Variants in ARID4B observed in about 807,000 individuals in gnomAD.
ARID4B encodes the protein AT-rich interaction domain 4B.
In ARID4B, 26 loss-of-function variants were observed where a neutral mutation model predicts 147.5. The observed-to-expected ratio is 0.18, with a 90% confidence interval of 0.13 to 0.24. ARID4B has a LOEUF of 0.24. ARID4B is among the 10% of genes least tolerant of loss of function. ARID4B has a pLI of 1.00. For synonymous variants in ARID4B, 512 were observed against 507.9 expected (o/e 1.01, Z -0.11); for missense variants, 1,179 against 1,511.5 (o/e 0.78, Z 3.65).
intron 7 of ARID4B, among the ~76,000 whole-genome samples, chr1:235,241,375 T>TA (rs1668967544): frequency 6.6e-6 from 1 of 152,312 alleles, no homozygotes; most frequent in East Asian, 1.9e-4. Context: ...ATTAAACTAC[T>TA]AAAAAACTTT....
At chr1:235,260,239 G>A (rs1558255157) in intron 3 of ARID4B, among the ~76,000 whole-genome samples, 3 of 152,080 alleles carry the variant, frequency 2.0e-5, no homozygotes, top group Admixed American at 6.5e-5. Context: ...GAAATAGAGG[G>A]GGTGATGCCT....
chr1:235,315,010 T>C (rs1306001173), intron 2 of ARID4B, among the ~76,000 whole-genome samples: 1 of 152,212 alleles, frequency 6.6e-6, no homozygotes, highest in African/African-American at 2.4e-5. Flanking sequence ...AATTAGCAGA[T>C]AGCATTAATA....
chr1:235,228,746 T>C (rs1348138276), intron 11 of ARID4B: 1 of 151,456 alleles, frequency 6.6e-6, no homozygotes, highest in East Asian at 2.0e-4. Flanking sequence ...CTCGGTTTCA[T>C]GCCATTCTCC....
intron 4 of ARID4B, among the ~76,000 whole-genome samples, 158 bp from the exon 5 acceptor site, chr1:235,255,908 T>C (rs1669953470): frequency 6.6e-6 from 1 of 152,100 alleles, no homozygotes; most frequent in Admixed American, 6.5e-5. Flanking sequence ...GCACAGTGGC[T>C]CACGCCTGCA....
intron 22 of ARID4B, among the ~76,000 whole-genome samples, chr1:235,173,761 AAAAAAAAAAAATAT>A (rs1311882008): frequency 7.7e-5 from 4 of 51,972 alleles, no homozygotes; most frequent in South Asian, 7.8e-4. Flanking sequence ...AAAAAAAAAA[AAAAAAAAAAAATAT>A]ATATATATAT....
intron 17 of ARID4B, 108 bp downstream of exon 17, chr1:235,213,661 C>G: frequency 8.1e-7 from 1 of 1,231,894 alleles, no homozygotes; most frequent in South Asian, 1.6e-5. Flanking sequence ...GGTACTATGA[C>G]CTCAATTAGA....
intron 10 of ARID4B, among the ~76,000 whole-genome samples, chr1:235,230,887 C>CAAAACAGCAAG (rs1668177030): frequency 1.3e-5 from 2 of 150,490 alleles, no homozygotes; most frequent in African/African-American, 4.9e-5. Context: ...TGCGCCACTC[C>CAAAACAGCAAG]ACCCTGGGCG....
chr1:235,203,889 G>T (rs1240973515), intron 17 of ARID4B, among the ~76,000 whole-genome samples: 2 of 152,022 alleles, frequency 1.3e-5, no homozygotes, highest in Admixed American at 6.6e-5. Flanking sequence ...CCTACTTTAT[G>T]AATTTTATAT....
intron 2 of ARID4B, among the ~76,000 whole-genome samples, chr1:235,321,973 T>C (rs1445478763): frequency 6.6e-6 from 1 of 152,112 alleles, no homozygotes; most frequent in Non-Finnish European, 1.5e-5. Context: ...AACCTCCAGC[T>C]CCTGGGTTCA....
chr1:235,181,288 C>T, intron 20 of ARID4B: 1 of 557,438 alleles, frequency 1.8e-6, no homozygotes, highest in Non-Finnish European at 2.7e-6. Flanking sequence ...TCAACCACTG[C>T]ATATAATGAA....
At chr1:235,268,142 G>C (rs529056079) in intron 2 of ARID4B, among the ~76,000 whole-genome samples, 17 of 152,156 alleles carry the variant, frequency 1.1e-4, no homozygotes, top group African/African-American at 3.4e-4. Flanking sequence ...AATAGGGACA[G>C]AGGAGATAAG....
chr1:235,240,325 C>A lies in ARID4B; in HGVS notation c.573G>T (p.Trp191Cys). 6.2e-7 allele frequency: 1 copy of A among 1,612,956 alleles called. No homozygotes were observed. The highest frequency in any genetic ancestry group is 2.2e-5 in the East Asian group (1 of 44,770). The stretch of plus-strand genomic sequence containing the variant: ...TGAAGCTACTCACCAATGCAGGAAA[C>A]CACAGTGCTTTCTTTTTATCCAAAC... Reference protein sequence around the residue: ...YISLDKKKALWFPALVVCPDC... With the variant: ...YISLDKKKALCFPALVVCPDC... Residue 191 changes from tryptophan to cysteine, a missense_variant, in exon 8 of 24, where the codon TGG becomes TGT. Physicochemically the swap from Trp to Cys is radical, Grantham distance 215. Around this residue, in one of 10 missense-constraint regions of ARID4B, gnomAD observed 159 missense variants for 190.5 expected, o/e 0.83. Transcript: ENST00000264183.
At chr1:235,290,733 T>C (rs942077121) in intron 2 of ARID4B, among the ~76,000 whole-genome samples, 2 of 152,196 alleles carry the variant, frequency 1.3e-5, no homozygotes. Context: ...GGGAGACAAC[T>C]TTTTAAGGAT....
At chr1:235,291,530 A>G (rs1672338384) in intron 2 of ARID4B, among the ~76,000 whole-genome samples, 1 of 151,782 alleles carries the variant, frequency 6.6e-6, no homozygotes, top group Non-Finnish European at 1.5e-5. Context: ...ACCTCAATAA[A>G]AGTTGTTAAT....
chr1:235,255,752 TA>T lies in ARID4B; in HGVS notation c.184-3del. 6.3e-7 allele frequency: 1 copy of T among 1,593,878 alleles called. No homozygotes were observed. The highest frequency in any genetic ancestry group is 8.5e-7 in the Non-Finnish European group (1 of 1,171,092). On this transcript the variant is annotated splice_region_variant and splice_polypyrimidine_tract_variant and intron_variant, in intron 4 of 23. Coordinates refer to ENST00000264183, the MANE Select transcript of ARID4B (RefSeq NM_016374.6). Reference sequence around the variant, plus strand: ...CTTCACTTCCACAATAGCTCCTACCTAAAGTATTTTTAAACATGTTAGAAAA... The same window carrying T: ...CTTCACTTCCACAATAGCTCCTACCTAAGTATTTTTAAACATGTTAGAAAA...
At chr1:235,269,081 C>T (rs1437312546) in intron 2 of ARID4B, among the ~76,000 whole-genome samples, 1 of 152,104 alleles carries the variant, frequency 6.6e-6, no homozygotes, top group African/African-American at 2.4e-5. Context: ...GTGTATTCCA[C>T]AGTAAATTAA....
At chr1:235,171,211 C>T (rs1187198934) in intron 23 of ARID4B, among the ~76,000 whole-genome samples, 1 of 151,988 alleles carries the variant, frequency 6.6e-6, no homozygotes, top group East Asian at 1.9e-4. Context: ...GCAGGCGGAT[C>T]ACGAAGTCAA....
chr1:235,284,115 A>G (rs1470641047), intron 2 of ARID4B, among the ~76,000 whole-genome samples: 1 of 151,800 alleles, frequency 6.6e-6, no homozygotes, highest in African/African-American at 2.4e-5. Flanking sequence ...TAATCCCACC[A>G]CTTTGGAAGG....
chr1:235,193,928 G>T, intron 19 of ARID4B, 85 bp downstream of exon 19: 3 of 995,642 alleles, frequency 3.0e-6, no homozygotes, highest in Non-Finnish European at 4.4e-6. Context: ...AACAGTAGTT[G>T]GTAATGTCAC....
Sources: allele counts gnomAD v4.1 joint callset (sites outside exome capture counted in the v4.1 genomes callset), GRCh38; gene constraint gnomAD v4.1.1; regional missense constraint gnomAD v4.1.1; transcripts MANE v1.5; gene names NCBI Gene and HGNC (gene_info 2026-07-23, HGNC 2026-07-21).